Variants in ERBB4 observed in about 807,000 individuals in gnomAD.
The protein encoded by ERBB4 is erb-b2 receptor tyrosine kinase 4, also known as receptor tyrosine-protein kinase erbB-4.
Under a neutral mutation model 158.0 loss-of-function variants are expected in ERBB4, and 42 were observed. The ratio of observed to expected loss-of-function variants is 0.27; its 90% CI spans 0.21 to 0.34. The LOEUF is 0.34. ERBB4 is among the 10% of genes least tolerant of loss of function. The pLI is 1.00. For missense variants in ERBB4, 1,333 were observed against 1,624.1 expected (o/e 0.82, Z 3.08); for synonymous variants, 583 against 558.7 (o/e 1.04, Z -0.61).
At chr2:212,193,468 G>A (rs934339986) in intron 1 of ERBB4, among the ~76,000 whole-genome samples, 2 of 151,992 alleles carry the variant, frequency 1.3e-5, no homozygotes. Flanking sequence ...CAAATAAGAA[G>A]ATAGAAAACA....
chr2:211,505,991 A>G (rs62178824), intron 20 of ERBB4, among the ~76,000 whole-genome samples: 22,331 of 150,830 alleles, frequency 0.15, 2,735 homozygotes, highest in African/African-American at 0.34. Flanking sequence ...TAGACAGGTA[A>G]ACTGGATTAA....
chr2:211,880,148 G>C (rs1228735946), intron 3 of ERBB4, among the ~76,000 whole-genome samples: 1 of 151,932 alleles, frequency 6.6e-6, no homozygotes, highest in Non-Finnish European at 1.5e-5. Context: ...TCTTACCCAA[G>C]ACAGTGTTTT....
chr2:211,845,688 A>G (rs912990083), intron 3 of ERBB4, among the ~76,000 whole-genome samples: 1 of 152,106 alleles, frequency 6.6e-6, no homozygotes. Flanking sequence ...TTTAGAAACA[A>G]TTTTCTGGGA....
At chr2:212,357,010 T>C (rs2089485543) in intron 1 of ERBB4, among the ~76,000 whole-genome samples, 1 of 151,890 alleles carries the variant, frequency 6.6e-6, no homozygotes, top group African/African-American at 2.4e-5. Context: ...ATTTTAAACA[T>C]GATCATTTGA....
chr2:212,240,560 G>A (rs1351662492), intron 1 of ERBB4, among the ~76,000 whole-genome samples: 1 of 146,244 alleles, frequency 6.8e-6, no homozygotes, highest in Non-Finnish European at 1.5e-5. Context: ...TTGAACCCGG[G>A]AGGCGGAGGT....
intron 1 of ERBB4, among the ~76,000 whole-genome samples, chr2:212,476,727 A>T (rs1234005616): frequency 1.3e-5 from 2 of 152,086 alleles, no homozygotes. Context: ...CATTAACACA[A>T]ATTAAAAAGT....
intron 5 of ERBB4, among the ~76,000 whole-genome samples, chr2:211,748,479 C>G (rs1025407137): frequency 6.6e-6 from 1 of 152,150 alleles, no homozygotes; most frequent in African/African-American, 2.4e-5. Flanking sequence ...AGGAACAACA[C>G]AACAGCAGGG....
Position 212,029,009 on chromosome 2 carries a change from A to G in ERBB4, c.235-81393T>C, listed in dbSNP as rs147920433. On this transcript the variant is annotated intron_variant, in intron 2 of 27. Coordinates refer to ENST00000342788, the MANE Select transcript of ERBB4 (RefSeq NM_005235.3). ...CAGATTTCCACAAGACATGCCCACC[A>G]GTGCACGATGTAAGTTTACCATTGC... is the stretch of plus-strand genomic sequence containing the variant. Among the ~76,000 whole-genome samples, 956 of 152,186 alleles carry G rather than the reference A, an allele frequency of 6.3e-3. 5 individuals carry two copies. Among genetic ancestry groups the G allele is most frequent in the Non-Finnish European group, 0.01 (699 of 68,006 alleles).
intron 1 of ERBB4, among the ~76,000 whole-genome samples, chr2:212,175,201 A>G (rs1559658642): frequency 1.3e-5 from 2 of 152,074 alleles, no homozygotes; most frequent in Non-Finnish European, 2.9e-5. Flanking sequence ...CGTTTATGTT[A>G]ACATATCACC....
intron 1 of ERBB4, among the ~76,000 whole-genome samples, chr2:212,435,331 A>G (rs987391510): frequency 9.9e-5 from 15 of 151,886 alleles, no homozygotes; most frequent in Admixed American, 9.2e-4. Context: ...AGTTGTTGTC[A>G]CTCTCTGAGT....
At chr2:212,220,643 G>A (rs543809869) in intron 1 of ERBB4, among the ~76,000 whole-genome samples, 1 of 151,444 alleles carries the variant, frequency 6.6e-6, no homozygotes, top group South Asian at 2.1e-4. Context: ...CCAACCATTT[G>A]CCAAAATGTC....
rs568758609 is a variant in ERBB4, at chr2:212,334,496, T to C, written c.82+203953A>G. 5.3e-5 allele frequency among the ~76,000 whole-genome samples: 8 copies of C among 152,160 alleles called. No homozygotes were observed. The South Asian group carries it at 1.0e-3, about 20-fold the overall frequency. On this transcript the variant is annotated intron_variant, in intron 1 of 27. Transcript: ENST00000342788. ...ATTAATCCTATAATTTCTGTTCCTA[T>C]AGTATCAAGGAATTGTTAGTTAAAA... is the stretch of plus-strand genomic sequence containing the variant.
At chr2:211,751,694 T>C (rs183451952) in intron 4 of ERBB4, among the ~76,000 whole-genome samples, 18 of 152,300 alleles carry the variant, frequency 1.2e-4, no homozygotes, top group Admixed American at 1.1e-3. Context: ...CGTCAGATGC[T>C]CCCATCTTTC....
intron 16 of ERBB4, among the ~76,000 whole-genome samples, chr2:211,641,793 G>C (rs916315139): frequency 6.6e-6 from 1 of 151,970 alleles, no homozygotes; most frequent in Non-Finnish European, 1.5e-5. Context: ...GTGGTTTCAA[G>C]AATATTTGTT....
intron 20 of ERBB4, among the ~76,000 whole-genome samples, chr2:211,537,737 C>A (rs922319649): frequency 6.6e-6 from 1 of 151,820 alleles, no homozygotes; most frequent in Non-Finnish European, 1.5e-5. Context: ...CTGTATCACA[C>A]AAAATACAGG....
intron 12 of ERBB4, among the ~76,000 whole-genome samples, chr2:211,683,128 T>A (rs935309711): frequency 6.6e-6 from 1 of 151,886 alleles, no homozygotes; most frequent in Non-Finnish European, 1.5e-5. Flanking sequence ...TCTGAAATAA[T>A]TGTATATTAA....
chr2:211,955,352 C>A (rs146585578), intron 2 of ERBB4, among the ~76,000 whole-genome samples: 122 of 152,094 alleles, frequency 8.0e-4, no homozygotes, highest in African/African-American at 2.8e-3. Context: ...TAGCTCACCT[C>A]CCTAGAATTA....
chr2:211,713,744 C>T (rs2106088953), intron 7 of ERBB4, 96 bp from the exon 8 acceptor site: 1 of 738,440 alleles, frequency 1.4e-6, no homozygotes, highest in Non-Finnish European at 2.4e-6. Flanking sequence ...AAATGATTAG[C>T]ATCATTGATA....
chr2:212,190,550 A>AAAAAAAAAG (rs540372658), intron 1 of ERBB4, among the ~76,000 whole-genome samples: 1 of 146,924 alleles, frequency 6.8e-6, no homozygotes, highest in Non-Finnish European at 1.5e-5. Context: ...AAAAAAAAAA[A>AAAAAAAAAG]AAGAAGAAGA....
Sources: allele counts gnomAD v4.1 joint callset (sites outside exome capture counted in the v4.1 genomes callset), GRCh38; gene constraint gnomAD v4.1.1; transcripts MANE v1.5; gene names NCBI Gene and HGNC (gene_info 2026-07-23, HGNC 2026-07-21).